SRRM4: variants seen among roughly 807,000 people sequenced by gnomAD.
The protein encoded by SRRM4 is serine/arginine repetitive matrix 4, also known as serine/arginine repetitive matrix protein 4.
SRRM4 carries 33 observed loss-of-function variants against 68.9 expected under a neutral mutation model. The ratio of observed to expected loss-of-function variants is 0.48; its 90% confidence interval spans 0.36 to 0.64. The LOEUF (loss-of-function observed/expected upper bound fraction) is 0.64. SRRM4 is among the 30% of genes least tolerant of loss of function. The pLI, the probability that SRRM4 is intolerant of heterozygous loss-of-function variation, is 0.00. For synonymous variants in SRRM4, 318 were observed against 318.8 expected (o/e 1.00, Z 0.03); for missense variants, 817 against 827.1 (o/e 0.99, Z 0.15).
intron 2 of SRRM4, among the ~76,000 whole-genome samples, chr12:119,111,982 G>T (rs1399456526): frequency 2.0e-5 from 3 of 151,952 alleles, no homozygotes; most frequent in African/African-American, 7.3e-5. Flanking sequence ...GGAGATGGAG[G>T]TTGCAGTGAG....
chr12:119,026,673 C>T (rs777697935), intron 1 of SRRM4, among the ~76,000 whole-genome samples: 14 of 152,060 alleles, frequency 9.2e-5, no homozygotes, highest in Non-Finnish European at 2.1e-4. Flanking sequence ...CTCAGCCTCT[C>T]GAGTAGCTGG....
chr12:119,093,555 G>A (rs1031415384), intron 1 of SRRM4, among the ~76,000 whole-genome samples: 12 of 152,196 alleles, frequency 7.9e-5, no homozygotes, highest in Admixed American at 2.0e-4. Context: ...TTAGCAACTC[G>A]CCCTCCCCGG....
At chr12:119,100,273 T>C (rs1954070261) in intron 1 of SRRM4, among the ~76,000 whole-genome samples, 1 of 144,248 alleles carries the variant, frequency 6.9e-6, no homozygotes, top group Non-Finnish European at 1.5e-5. Context: ...GGAGGATTGC[T>C]TGAGCCCAGG....
intron 1 of SRRM4, among the ~76,000 whole-genome samples, chr12:119,077,336 G>A (rs1040584554): frequency 1.3e-5 from 2 of 152,094 alleles, no homozygotes; most frequent in Non-Finnish European, 2.9e-5. Flanking sequence ...TTTGATATAA[G>A]TGATCCATGG....
chr12:118,982,682 T>G (rs1253373937), intron 1 of SRRM4, among the ~76,000 whole-genome samples: 6 of 134,206 alleles, frequency 4.5e-5, no homozygotes, highest in East Asian at 2.0e-4. Flanking sequence ...TTTTTTTGTT[T>G]TTTTTTTTTT....
chr12:119,085,348 G>A (rs1485481244), intron 1 of SRRM4, among the ~76,000 whole-genome samples: 2 of 152,234 alleles, frequency 1.3e-5, no homozygotes, highest in East Asian at 3.8e-4. Context: ...ATGACCTGAA[G>A]CCCTGAAAGG....
At chr12:119,064,873 A>G (rs1392042081) in intron 1 of SRRM4, among the ~76,000 whole-genome samples, 1 of 152,170 alleles carries the variant, frequency 6.6e-6, no homozygotes, top group Non-Finnish European at 1.5e-5. Flanking sequence ...TTGTCAGGAA[A>G]AAACACAAGT....
At chr12:118,999,599 T>TATTTATAA (rs1409150383) in intron 1 of SRRM4, among the ~76,000 whole-genome samples, 1 of 152,222 alleles carries the variant, frequency 6.6e-6, no homozygotes, top group African/African-American at 2.4e-5. Context: ...CTAACAGAGT[T>TATTTATAA]ATTTATAATA....
chr12:119,121,966 C>A, intron 5 of SRRM4, 104 bp from the exon 6 acceptor site: 2 of 769,612 alleles, frequency 2.6e-6, no homozygotes, highest in Non-Finnish European at 4.6e-6. Context: ...AGTGTCCATT[C>A]CAAAACTGCC....
intron 1 of SRRM4, among the ~76,000 whole-genome samples, chr12:119,082,628 G>A (rs910816908): frequency 6.6e-5 from 10 of 152,222 alleles, no homozygotes; most frequent in African/African-American, 1.7e-4. Context: ...GGCTTCACTT[G>A]CTGCCAGCCC....
chr12:119,150,389 T>C (rs539302961), intron 9 of SRRM4, among the ~76,000 whole-genome samples: 1 of 152,280 alleles, frequency 6.6e-6, no homozygotes, highest in Admixed American at 6.5e-5. Context: ...GGAGAATTGC[T>C]TGACCCCTGA....
intron 1 of SRRM4, among the ~76,000 whole-genome samples, chr12:118,985,418 A>G (rs1292119883): frequency 6.6e-6 from 1 of 152,178 alleles, no homozygotes; most frequent in Non-Finnish European, 1.5e-5. Context: ...AAAAATCACA[A>G]TTTTAATCCC....
chr12:119,052,910 G>A (rs1389918024), intron 1 of SRRM4, among the ~76,000 whole-genome samples: 1 of 152,198 alleles, frequency 6.6e-6, no homozygotes, highest in Non-Finnish European at 1.5e-5. Context: ...ATAAATTGGA[G>A]ATTGGAGTGC....
chr12:119,068,662 C>A (rs965735489), intron 1 of SRRM4, among the ~76,000 whole-genome samples: 1 of 152,092 alleles, frequency 6.6e-6, no homozygotes, highest in African/African-American at 2.4e-5. Flanking sequence ...CACTGGCATG[C>A]CACAGAGCTT....
Position 119,160,318 on chromosome 12 carries a change from TCTCTC to T in SRRM4, c.*3521_*3525del. 1 of 145,174 alleles carries T rather than the reference TCTCTC, an allele frequency of 6.9e-6. No homozygotes were observed. The highest frequency in any genetic ancestry group is 1.5e-5 in the Non-Finnish European group (1 of 66,984). The allele number at this position is 145,174 out of a possible 1,614,324, so 9.0% of individuals were successfully genotyped here. ...CTCTCTCTCTCTCTCTCTCTCTCTCTCTCTCAGTGTATTTCTCTACTTTCTTTTAC... is the reference window on the plus strand; with the variant it reads ...CTCTCTCTCTCTCTCTCTCTCTCTCTAGTGTATTTCTCTACTTTCTTTTAC... On this transcript the variant is annotated 3_prime_UTR_variant, in exon 13 of 13. Transcript: ENST00000267260.
At chr12:119,054,263 C>T (rs1481532461) in intron 1 of SRRM4, among the ~76,000 whole-genome samples, 7 of 152,186 alleles carry the variant, frequency 4.6e-5, no homozygotes, top group East Asian at 3.8e-4. Flanking sequence ...ATATGTACCA[C>T]GTTTTATTTA....
intron 1 of SRRM4, among the ~76,000 whole-genome samples, chr12:118,991,484 G>T (rs770363640): frequency 6.6e-6 from 1 of 152,114 alleles, no homozygotes; most frequent in Non-Finnish European, 1.5e-5. Context: ...GGATTTGGGC[G>T]ATCATTGGCT....
intron 7 of SRRM4, 114 bp from the exon 8 acceptor site, chr12:119,130,564 T>C (rs1327076499): frequency 4.8e-6 from 5 of 1,032,248 alleles, no homozygotes; most frequent in South Asian, 1.7e-5. Context: ...CATATGAACA[T>C]ATACAAACAC....
chr12:118,986,862 T>A (rs187997270), intron 1 of SRRM4, among the ~76,000 whole-genome samples: 1 of 152,198 alleles, frequency 6.6e-6, no homozygotes, highest in East Asian at 1.9e-4. Context: ...TTCTTCTCCA[T>A]GAACTCTTCA....
Sources: allele counts gnomAD v4.1 joint callset (sites outside exome capture counted in the v4.1 genomes callset), GRCh38; gene constraint gnomAD v4.1.1; transcripts MANE v1.5; gene names NCBI Gene and HGNC (gene_info 2026-07-23, HGNC 2026-07-21).